The following NCEH1 variants were observed in gnomAD, a reference collection of about 807,000 sequenced individuals.
NCEH1 encodes 2-acetyl MAGE hydrolase.
NCEH1 carries 9 observed loss-of-function variants against 25.4 expected under a neutral mutation model. The ratio of observed to expected loss-of-function variants is 0.35; its 90% CI spans 0.21 to 0.62. The LOEUF is 0.62. NCEH1 is among the 20% of genes least tolerant of loss of function. The probability of loss-of-function intolerance (pLI) is 0.72; values close to 1 mark genes in which losing one functional copy is unlikely to be tolerated. For missense variants in NCEH1, 412 were observed against 501.1 expected (o/e 0.82, Z 1.70); for synonymous variants, 200 against 199.8 (o/e 1.00, Z -0.01).
At chr3:172,667,710 A>G (rs1383684621) in intron 1 of NCEH1, among the ~76,000 whole-genome samples, 1 of 152,190 alleles carries the variant, frequency 6.6e-6, no homozygotes, top group East Asian at 1.9e-4. Flanking sequence ...CTTTTTCTAG[A>G]TGGGTAACAG....
chr3:172,705,720 G>C (rs559481130), intron 1 of NCEH1, among the ~76,000 whole-genome samples: 3 of 152,060 alleles, frequency 2.0e-5, no homozygotes, highest in African/African-American at 7.2e-5. Context: ...TTTTTGGCTG[G>C]GCACGGTGGC....
At chr3:172,653,549 T>C (rs1406298395) in intron 1 of NCEH1, among the ~76,000 whole-genome samples, 2 of 151,974 alleles carry the variant, frequency 1.3e-5, no homozygotes, top group East Asian at 1.9e-4. Flanking sequence ...AAGGCCTAGA[T>C]AAAGGGTTGC....
chr3:172,690,870 A>G (rs1174095335), intron 1 of NCEH1, among the ~76,000 whole-genome samples: 2 of 151,804 alleles, frequency 1.3e-5, no homozygotes, highest in Non-Finnish European at 2.9e-5. Flanking sequence ...TTTTTTTTCT[A>G]TTTTCCAAAA....
At chr3:172,668,088 G>T (rs1232296381) in intron 1 of NCEH1, among the ~76,000 whole-genome samples, 1 of 152,088 alleles carries the variant, frequency 6.6e-6, no homozygotes. Flanking sequence ...TTTAACTCAG[G>T]TATTTCACCT....
intron 1 of NCEH1, among the ~76,000 whole-genome samples, chr3:172,700,092 G>C (rs1326117216): frequency 2.0e-5 from 3 of 152,168 alleles, no homozygotes; most frequent in African/African-American, 7.2e-5. Context: ...TTACAGATGG[G>C]GCACTAGCTA....
chr3:172,645,323 TA>T, intron 3 of NCEH1, among the ~76,000 whole-genome samples: 2 of 152,228 alleles, frequency 1.3e-5, no homozygotes, highest in Non-Finnish European at 2.9e-5. Flanking sequence ...TTTTTAGATT[TA>T]AAAAGTTATA....
intron 1 of NCEH1, among the ~76,000 whole-genome samples, chr3:172,685,004 C>T (rs774266877): frequency 6.8e-6 from 1 of 147,126 alleles, no homozygotes; most frequent in Non-Finnish European, 1.5e-5. Context: ...AAAAAAAAGA[C>T]CCATCTTTGG....
rs1560177222 is a variant in NCEH1 at position 172,635,879 on chromosome 3, C to CTTAGGACAT, written c.609+36_609+37insATGTCCTAA. On this transcript the variant is annotated intron_variant, in intron 4 of 4. Transcript: ENST00000475381. ...TGGTCTGCTAGACCTTGTCATGCAC[C>CTTAGGACAT]GCTTAACCCACCAGCACCTTAGGAC... 5 of 1,601,220 alleles carry CTTAGGACAT rather than the reference C, an allele frequency of 3.1e-6. 1 individual carries two copies. In the South Asian group the frequency reaches 4.5e-5, roughly 14 times the overall value.
intron 3 of NCEH1, among the ~76,000 whole-genome samples, chr3:172,642,574 T>C (rs1577054127): frequency 9.2e-6 from 1 of 108,684 alleles, no homozygotes; most frequent in Non-Finnish European, 1.7e-5. Context: ...GCCTGAATCT[T>C]AACAAGGATT....
At chr3:172,650,812 GAAAAAA>G (rs768170518) in intron 1 of NCEH1, among the ~76,000 whole-genome samples, 4 of 35,882 alleles carry the variant, frequency 1.1e-4, no homozygotes, top group East Asian at 7.2e-4. Flanking sequence ...ACTCTGCCTC[GAAAAAA>G]AAAAAAAAAA....
At chr3:172,709,272 C>T (rs1304157664) in intron 1 of NCEH1, among the ~76,000 whole-genome samples, 2 of 152,244 alleles carry the variant, frequency 1.3e-5, no homozygotes, top group Non-Finnish European at 2.9e-5. Flanking sequence ...ATAATCTCTG[C>T]AGCCAACACA....
intron 1 of NCEH1, among the ~76,000 whole-genome samples, chr3:172,681,644 C>G (rs1338185818): frequency 6.7e-6 from 1 of 150,156 alleles, no homozygotes; most frequent in African/African-American, 2.5e-5. Context: ...AATCCCAACA[C>G]TGTGGGAGGC....
intron 1 of NCEH1, among the ~76,000 whole-genome samples, chr3:172,691,420 A>C (rs115288443): frequency 0.12 from 1,625 of 13,086 alleles, 32 homozygotes; most frequent in African/African-American, 0.37. Flanking sequence ...ATTTGTATTC[A>C]ATATAATTGT....
rs150570821 is a variant in NCEH1, at chr3:172,669,353, T to C, written c.139-21239A>G. ...TATGGCTGAACTTTTTTTAGAGTAA[T>C]TGTATTTGCCTATTTCATGTTATGA... is the stretch of plus-strand genomic sequence containing the variant. On this transcript the variant is annotated intron_variant, in intron 1 of 4. Coordinates refer to ENST00000475381, the MANE Select transcript of NCEH1 (RefSeq NM_020792.6). 9.1e-3 allele frequency among the ~76,000 whole-genome samples: 1,389 copies of C among 152,266 alleles called. 16 individuals are homozygous for C. Among genetic ancestry groups the C allele is most frequent in the African/African-American group, 0.031 (1,305 of 41,540 alleles).
chr3:172,644,745 G>A (rs1275040326), intron 3 of NCEH1, among the ~76,000 whole-genome samples: 1 of 152,228 alleles, frequency 6.6e-6, no homozygotes, highest in African/African-American at 2.4e-5. Context: ...TGCCAGGGAT[G>A]TTTCCAGGCA....
At chr3:172,644,064 G>A (rs1716991774) in intron 3 of NCEH1, among the ~76,000 whole-genome samples, 1 of 152,144 alleles carries the variant, frequency 6.6e-6, no homozygotes, top group Admixed American at 6.5e-5. Flanking sequence ...TTTGGCTCCA[G>A]CTGTCTGGAC....
chr3:172,710,822 G>A (rs753247654), intron 1 of NCEH1, 25 bp downstream of exon 1: 4 of 1,612,090 alleles, frequency 2.5e-6, no homozygotes, highest in Admixed American at 3.3e-5. Flanking sequence ...GAGGAAGAGA[G>A]AAGCAGCGCT....
At position 172,648,038 on chromosome 3, in the gene NCEH1, T is replaced by C. The variant is rs938186535; in HGVS notation, c.215A>G (p.Lys72Arg). The C allele has an allele frequency of 6.2e-7, 1 of 1,614,038 alleles. No individual in the cohort carries two copies. Among genetic ancestry groups the C allele is most frequent in the Admixed American group, 1.7e-5 (1 of 59,992 alleles). ...LNFIIVSFGK[K>R]SAWSSAQVKV... ...CACTTGGGCAGAAGACCACGCGCTTTTTTTGCCAAAAGAAACAATGATAAA... is the reference window on the plus strand; with the variant it reads ...CACTTGGGCAGAAGACCACGCGCTTCTTTTGCCAAAAGAAACAATGATAAA... Residue 72 changes from lysine to arginine, a missense_variant, in exon 2 of 5, where the codon AAA (lysine) becomes AGA (arginine). Around this residue, in one of 3 missense-constraint regions of NCEH1, gnomAD observed 178 missense variants for 189.2 expected, o/e 0.94. Coordinates refer to ENST00000475381, the MANE Select transcript of NCEH1 (RefSeq NM_020792.6).
rs372104768 is a variant in NCEH1, at chr3:172,633,900, C to T, written c.802G>A (p.Val268Ile). 40 of 1,614,212 alleles carry T rather than the reference C, an allele frequency of 2.5e-5. No individual in the cohort carries two copies. Among genetic ancestry groups the T allele is most frequent in the Admixed American group, 6.7e-5 (4 of 60,028 alleles). Residue 268 changes from valine (V) to isoleucine (I), a missense_variant, in exon 5 of 5, where the codon GTT (valine) becomes ATT (isoleucine). Physicochemically the swap from Val to Ile is conservative, Grantham distance 29. This residue lies in a region of NCEH1 where 210 missense variants were observed against 258.2 expected (regional missense o/e 0.81). Coordinates refer to ENST00000475381, the MANE Select transcript of NCEH1 (RefSeq NM_020792.6). The part of the protein sequence containing the change: ...GNYDFVQAMI[V>I]NNHTSLDVEE... ...ACATCAAGTGAAGTGTGATTGTTAA[C>T]GATCATTGCCTGCACAAAGTCATAG... is the stretch of plus-strand genomic sequence containing the variant.
Sources: gnomAD v4.1 joint callset for allele counts (sites outside exome capture counted in the v4.1 genomes callset) on GRCh38, gnomAD v4.1.1 for gene constraint, gnomAD v4.1.1 regional missense constraint, MANE v1.5 for transcripts, NCBI Gene and HGNC (gene_info 2026-07-23, HGNC 2026-07-21) for gene names.